ZNF69: variants seen among roughly 807,000 people sequenced by gnomAD.
ZNF69 encodes the protein ZNF3.
ZNF69 carries 47 observed loss-of-function variants against 50.9 expected under a neutral mutation model. That is an observed-to-expected ratio of 0.92 (90% confidence interval 0.73 to 1.18). The LOEUF is 1.18. Among genes scored for constraint, ZNF69 ranks in the 50% most tolerant of loss-of-function variants. ZNF69 has a pLI of 0.00. For synonymous variants in ZNF69, 216 were observed against 223.1 expected, an observed-to-expected ratio of 0.97 and a Z score of 0.29; for missense variants, 717 against 675.1, an observed-to-expected ratio of 1.06 and a Z score of -0.69.
the ZNF69 span, among the ~76,000 whole-genome samples, chr19:11,965,926 G>C: frequency 1.3e-5 from 2 of 152,152 alleles, no homozygotes; most frequent in Non-Finnish European, 2.9e-5. Flanking sequence ...TGGAAGGGGG[G>C]TTAGAAGGCA....
the ZNF69 span, among the ~76,000 whole-genome samples, chr19:11,961,115 A>G: frequency 6.6e-6 from 1 of 152,198 alleles, no homozygotes; most frequent in Non-Finnish European, 1.5e-5. Flanking sequence ...CCTGTCTTAA[A>G]AACAAAATTT....
chr19:11,958,927 G>T, the ZNF69 span, among the ~76,000 whole-genome samples: 9 of 152,264 alleles, frequency 5.9e-5, no homozygotes, highest in East Asian at 1.5e-3. Context: ...CTGTCGCCCA[G>T]GCTAGAGTGC....
the ZNF69 span, among the ~76,000 whole-genome samples, chr19:11,930,721 C>T: frequency 0.11 from 15,804 of 147,806 alleles, 3,110 homozygotes; most frequent in African/African-American, 0.3. Flanking sequence ...GATGCCCAGA[C>T]TGGGTGTGGT....
At chr19:11,956,597 T>C in the ZNF69 span, 1 of 398,672 alleles carries the variant, frequency 2.5e-6, no homozygotes, top group Non-Finnish European at 4.4e-6. Flanking sequence ...GGCTCACACC[T>C]GTAATCCCAG....
At chr19:11,897,657 G>T (rs1972154698) in intron 1 of ZNF69, among the ~76,000 whole-genome samples, 1 of 151,174 alleles carries the variant, frequency 6.6e-6, no homozygotes, top group East Asian at 1.9e-4. Context: ...TGGATCACAA[G>T]GTCAGGAGAT....
At chr19:11,929,177 T>C in the ZNF69 span, among the ~76,000 whole-genome samples, 1 of 148,216 alleles carries the variant, frequency 6.7e-6, no homozygotes, top group Non-Finnish European at 1.5e-5. Context: ...TTTTTGTTGT[T>C]TGTTTTGAGA....
the ZNF69 span, among the ~76,000 whole-genome samples, chr19:11,925,663 C>A: frequency 4.6e-5 from 7 of 152,224 alleles, no homozygotes; most frequent in African/African-American, 1.7e-4. Flanking sequence ...CCACTTTCTC[C>A]TGTTAAAAAT....
Position 11,905,183 on chromosome 19 carries a change from C to T in ZNF69, c.786C>T (p.Thr262=). Residue 262 remains threonine, a synonymous_variant, in exon 4 of 4, where the codon ACC becomes ACT. Coordinates refer to ENST00000429654, the MANE Select transcript of ZNF69 (RefSeq NM_001364730.1). The part of the protein sequence containing the change: ...QCGKSFSYSA[T]LRIHERTHTG... ...GTAAATCCTTTAGTTATTCTGCTAC[C>T]CTTCGAATACACGAAAGAACTCACA... 1.2e-6 allele frequency: 2 copies of T among 1,614,030 alleles called. No homozygotes were observed. Among genetic ancestry groups the T allele is most frequent in the Non-Finnish European group, 1.7e-6 (2 of 1,180,008 alleles).
the ZNF69 span, among the ~76,000 whole-genome samples, chr19:11,964,201 C>T: frequency 4.6e-5 from 7 of 152,180 alleles, no homozygotes; most frequent in African/African-American, 1.7e-4. Context: ...CAGAGCAGCT[C>T]CAGAAGGAGT....
the ZNF69 span, among the ~76,000 whole-genome samples, chr19:11,970,029 C>T: frequency 6.6e-6 from 1 of 152,196 alleles, no homozygotes; most frequent in Non-Finnish European, 1.5e-5. Context: ...GGAGTGGGAC[C>T]TCCCGAGGGA....
the ZNF69 span, among the ~76,000 whole-genome samples, chr19:11,941,326 C>A: frequency 2.0e-5 from 3 of 152,250 alleles, no homozygotes; most frequent in African/African-American, 7.2e-5. Context: ...GTTGATGGGA[C>A]TGGGTGCTGT....
At chr19:11,974,040 T>TTTTC in the ZNF69 span, among the ~76,000 whole-genome samples, 8 of 150,698 alleles carry the variant, frequency 5.3e-5, no homozygotes, top group East Asian at 3.9e-4. Flanking sequence ...TGCCTCATTG[T>TTTTC]TTTCTTTCTT....
chr19:11,895,532 G>A (rs954237871), intron 1 of ZNF69, among the ~76,000 whole-genome samples: 4 of 152,192 alleles, frequency 2.6e-5, no homozygotes, highest in Non-Finnish European at 5.9e-5. Flanking sequence ...GGGGTGTAAG[G>A]GTCAGTGGTA....
the ZNF69 span, chr19:11,949,758 C>G: frequency 2.5e-6 from 4 of 1,612,830 alleles, no homozygotes; most frequent in Non-Finnish European, 1.7e-6. Context: ...CTGCCTCACA[C>G]CTTCGAATGC....
chr19:11,898,554 C>T (rs35308341), intron 1 of ZNF69, among the ~76,000 whole-genome samples: 1 of 152,040 alleles, frequency 6.6e-6, no homozygotes, highest in Non-Finnish European at 1.5e-5. Flanking sequence ...CCACACCCAA[C>T]TAATTTTTGT....
At chr19:11,925,895 TTTA>T in the ZNF69 span, among the ~76,000 whole-genome samples, 2 of 152,144 alleles carry the variant, frequency 1.3e-5, no homozygotes, top group Admixed American at 6.6e-5. Flanking sequence ...ACAGTTTGGT[TTTA>T]TTCATTTCAG....
At chr19:11,950,234 G>A in the ZNF69 span, 4 of 1,610,810 alleles carry the variant, frequency 2.5e-6, no homozygotes, top group Non-Finnish European at 3.4e-6. Flanking sequence ...TGTAAGGATT[G>A]TGGGAAAGCA....
chr19:11,917,506 T>C (rs1229677399), downstream of ZNF69, among the ~76,000 whole-genome samples: 1 of 152,216 alleles, frequency 6.6e-6, no homozygotes, highest in African/African-American at 2.4e-5. Flanking sequence ...TGTGTAACTA[T>C]TGGAGTGTGG....
chr19:11,924,876 A>C, the ZNF69 span, among the ~76,000 whole-genome samples: 1 of 152,184 alleles, frequency 6.6e-6, no homozygotes, highest in Non-Finnish European at 1.5e-5. Flanking sequence ...GTTCTCTTCT[A>C]TCAATAGCAA....
Sources: allele counts gnomAD v4.1 joint callset (sites outside exome capture counted in the v4.1 genomes callset), GRCh38; gene constraint gnomAD v4.1.1; transcripts MANE v1.5; gene names NCBI Gene and HGNC (gene_info 2026-07-23, HGNC 2026-07-21).